The following STAU2 variants were observed in gnomAD, a reference collection of about 807,000 sequenced individuals.
STAU2 encodes the protein double-stranded RNA-binding protein Staufen homolog 2.
Under a neutral mutation model 65.9 loss-of-function variants are expected in STAU2, and 20 were observed. That is an observed-to-expected ratio of 0.30 (90% confidence interval 0.21 to 0.44). STAU2 has a LOEUF of 0.44. STAU2 is among the 20% of genes least tolerant of loss of function. The pLI is 1.00. For synonymous variants in STAU2, 232 were observed against 233.9 expected (o/e 0.99, Z 0.07); for missense variants, 558 against 683.9 (o/e 0.82, Z 2.05).
chr8:73,430,896 G>A (rs1817219879), intron 13 of STAU2, among the ~76,000 whole-genome samples: 1 of 152,178 alleles, frequency 6.6e-6, no homozygotes, highest in Non-Finnish European at 1.5e-5. Flanking sequence ...CTTCATTTTG[G>A]AAGACATACT....
intron 5 of STAU2, among the ~76,000 whole-genome samples, chr8:73,677,030 T>A (rs1445962315): frequency 6.6e-6 from 1 of 152,036 alleles, no homozygotes; most frequent in Non-Finnish European, 1.5e-5. Flanking sequence ...GTAGAAAAAA[T>A]TTTAAAACAG....
At chr8:73,649,557 C>G (rs1280938935) in intron 6 of STAU2, among the ~76,000 whole-genome samples, 1 of 151,988 alleles carries the variant, frequency 6.6e-6, no homozygotes, top group African/African-American at 2.4e-5. Context: ...AGAATTTATT[C>G]TACTAATTCT....
chr8:73,469,264 T>A (rs1201481363), intron 13 of STAU2, among the ~76,000 whole-genome samples: 1 of 151,716 alleles, frequency 6.6e-6, no homozygotes, highest in Non-Finnish European at 1.5e-5. Flanking sequence ...ATGAGAACAC[T>A]TGGACACAGG....
intron 13 of STAU2, among the ~76,000 whole-genome samples, chr8:73,423,304 G>A (rs916395151): frequency 2.6e-5 from 4 of 152,230 alleles, no homozygotes; most frequent in Non-Finnish European, 1.5e-5. Context: ...GTGTTGATAG[G>A]CTCGGGGTGC....
chr8:73,646,060 C>T (rs1464745072), intron 6 of STAU2, among the ~76,000 whole-genome samples: 10 of 152,018 alleles, frequency 6.6e-5, no homozygotes, highest in Non-Finnish European at 1.5e-4. Context: ...ATAAAAATGT[C>T]CCTATTTAAA....
intron 13 of STAU2, chr8:73,550,024 G>A (rs1807215612): frequency 4.1e-6 from 4 of 985,364 alleles, no homozygotes; most frequent in Non-Finnish European, 4.8e-6. Context: ...TATGAAGATG[G>A]GCTATGCATG....
At chr8:73,541,434 T>A (rs563050517) in intron 13 of STAU2, among the ~76,000 whole-genome samples, 1 of 152,286 alleles carries the variant, frequency 6.6e-6, no homozygotes, top group African/African-American at 2.4e-5. Context: ...AGTTTTAGCT[T>A]AAGCAACTTA....
At chr8:73,578,026 T>C (rs1337311996) in intron 12 of STAU2, among the ~76,000 whole-genome samples, 1 of 152,174 alleles carries the variant, frequency 6.6e-6, no homozygotes, top group Admixed American at 6.5e-5. Flanking sequence ...TTTACGTATA[T>C]AAATCCATCT....
At chr8:73,523,350 G>A (rs2128929369) in intron 13 of STAU2, among the ~76,000 whole-genome samples, 1 of 152,102 alleles carries the variant, frequency 6.6e-6, no homozygotes, top group South Asian at 2.1e-4. Flanking sequence ...CAAGAGGATG[G>A]CATCCACATT....
At position 73,738,334 on chromosome 8, in the gene STAU2, C is replaced by A; in HGVS notation, c.-68G>T. On this transcript the variant is annotated 5_prime_UTR_variant, in exon 3 of 15. The change creates a new upstream start codon in the 5' untranslated region. Coordinates refer to ENST00000524300, the MANE Select transcript of STAU2 (RefSeq NM_001164380.2). Reference sequence around the variant, plus strand: ...CAATATTGACCAAACTGCTGTATCCCTCACGGCTCCAAAAACTGGAAAACG... The same window carrying A: ...CAATATTGACCAAACTGCTGTATCCATCACGGCTCCAAAAACTGGAAAACG... 6.3e-7 allele frequency: 1 copy of A among 1,583,720 alleles called. No individual in the cohort carries two copies. Among genetic ancestry groups the A allele is most frequent in the South Asian group, 1.2e-5 (1 of 84,838 alleles).
intron 13 of STAU2, among the ~76,000 whole-genome samples, chr8:73,454,617 A>G (rs1021413515): frequency 1.3e-5 from 2 of 152,350 alleles, no homozygotes; most frequent in Admixed American, 1.3e-4. Context: ...CCAATCATTT[A>G]TCCATCCACT....
intron 13 of STAU2, among the ~76,000 whole-genome samples, chr8:73,443,531 C>A (rs1313726132): frequency 6.6e-6 from 1 of 152,166 alleles, no homozygotes; most frequent in Non-Finnish European, 1.5e-5. Context: ...AAATCAGGCA[C>A]CTTCTCAATG....
intron 6 of STAU2, among the ~76,000 whole-genome samples, chr8:73,655,869 C>T (rs1816330667): frequency 6.6e-6 from 1 of 151,842 alleles, no homozygotes; most frequent in Non-Finnish European, 1.5e-5. Context: ...AGGATAGTCT[C>T]AATCTCCTGA....
rs1812908910 is a variant in STAU2, at chr8:73,617,438, C to T, written c.424G>A (p.Val142Met). The change falls in exon 7 of 15, where the codon GTG (valine) becomes ATG (methionine). Residue 142 changes from valine to methionine, a missense_variant. Coordinates refer to ENST00000524300, the MANE Select transcript of STAU2 (RefSeq NM_001164380.2). ...AGCTGAACATAAAAGATCTTAGGCA[C>T]TGGGCAATGATACCTAAAATAAGAA... ...GMYNQRYHCP[V>M]PKIFYVQLTV... 1 of 1,613,582 alleles carries T rather than the reference C, an allele frequency of 6.2e-7. No homozygotes were observed. The highest frequency in any genetic ancestry group is 8.5e-7 in the Non-Finnish European group (1 of 1,179,920).
At chr8:73,713,463 T>C (rs939134127) in intron 3 of STAU2, among the ~76,000 whole-genome samples, 3 of 151,934 alleles carry the variant, frequency 2.0e-5, no homozygotes, top group Non-Finnish European at 2.9e-5. Flanking sequence ...TAAATCACAA[T>C]ATAAGTACTA....
chr8:73,746,846 C>A, upstream of STAU2: 1 of 1,222,566 alleles, frequency 8.2e-7, no homozygotes, highest in South Asian at 4.1e-5. Flanking sequence ...GAACTGACCC[C>A]GCTCGGCCGC....
intron 13 of STAU2, among the ~76,000 whole-genome samples, chr8:73,507,716 A>C (rs1372102382): frequency 2.6e-5 from 4 of 152,218 alleles, no homozygotes; most frequent in Non-Finnish European, 1.5e-5. Flanking sequence ...AAAATCCCAG[A>C]TGGTATCTTC....
chr8:73,622,180 CA>C (rs1813306737), intron 6 of STAU2, among the ~76,000 whole-genome samples: 1 of 69,600 alleles, frequency 1.4e-5, no homozygotes, highest in Non-Finnish European at 2.3e-5. Context: ...GGCTGGAATG[CA>C]GTGGCGCAAT....
At chr8:73,681,896 T>C (rs953820590) in intron 5 of STAU2, among the ~76,000 whole-genome samples, 3 of 152,132 alleles carry the variant, frequency 2.0e-5, no homozygotes, top group Admixed American at 2.0e-4. Context: ...CATTACATAA[T>C]GATAAACGGA....
Sources: allele counts gnomAD v4.1 joint callset (sites outside exome capture counted in the v4.1 genomes callset), GRCh38; gene constraint gnomAD v4.1.1; transcripts MANE v1.5; gene names NCBI Gene and HGNC (gene_info 2026-07-23, HGNC 2026-07-21).